RFPL4A: variants seen among roughly 807,000 people sequenced by gnomAD.
The protein encoded by RFPL4A is ret finger protein like 4A, also known as ret finger protein-like 4A.
Under a neutral mutation model 8.3 loss-of-function variants are expected in RFPL4A, and 4 were observed. That is an observed-to-expected ratio of 0.48 (90% CI 0.24 to 1.10). The LOEUF is 1.10. Ranked by LOEUF, RFPL4A falls within the 50% of genes least tolerant of loss-of-function variation. The pLI, the probability that RFPL4A is intolerant of heterozygous loss-of-function variation, is 0.18. For missense variants in RFPL4A, 111 were observed against 358.7 expected (o/e 0.31, Z 5.58); for synonymous variants, 43 against 136.6 (o/e 0.31, Z 4.78).
At chr19:55,758,066 C>T (rs1187015706), upstream of RFPL4A, among the ~76,000 whole-genome samples, 498 of 150,912 alleles carry the variant, frequency 3.3e-3, no homozygotes, top group African/African-American at 0.012. Flanking sequence ...CATTTTCTCC[C>T]TGCATGCATA....
chr19:55,760,440 G>A (rs920563475), intron 1 of RFPL4A, among the ~76,000 whole-genome samples: 2 of 151,564 alleles, frequency 1.3e-5, no homozygotes, highest in Non-Finnish European at 1.5e-5. Flanking sequence ...AAGTGTGGGC[G>A]TGATTCTGAA....
chr19:55,761,085 C>CTTT (rs569591290), intron 1 of RFPL4A, among the ~76,000 whole-genome samples: 8 of 94,590 alleles, frequency 8.5e-5, no homozygotes, highest in African/African-American at 1.0e-4. Flanking sequence ...CTGGTTTTTC[C>CTTT]TTTTTTTTTT....
chr19:55,757,390 AG>A (rs1989191863), upstream of RFPL4A, among the ~76,000 whole-genome samples: 1 of 151,944 alleles, frequency 6.6e-6, no homozygotes, highest in South Asian at 2.1e-4. Flanking sequence ...AAAAAAGAAA[AG>A]TTTGCTTGTA....
At chr19:55,760,162 G>A (rs1333435640) in intron 1 of RFPL4A, among the ~76,000 whole-genome samples, 1 of 151,626 alleles carries the variant, frequency 6.6e-6, no homozygotes, top group Non-Finnish European at 1.5e-5. Flanking sequence ...CCCACCAACC[G>A]TGCACAAGGG....
chr19:55,757,816 C>T (rs975934014), upstream of RFPL4A, among the ~76,000 whole-genome samples: 13 of 151,634 alleles, frequency 8.6e-5, no homozygotes, highest in African/African-American at 2.9e-4. Context: ...GGCAAATCAA[C>T]CCACTGGGCT....
intron 1 of RFPL4A, among the ~76,000 whole-genome samples, chr19:55,761,230 G>A (rs1250074550): frequency 7.2e-6 from 1 of 138,940 alleles, no homozygotes; most frequent in East Asian, 2.0e-4. Context: ...GTCTTCAAAT[G>A]GACTCCAGCA....
intron 1 of RFPL4A, among the ~76,000 whole-genome samples, 178 bp from the exon 2 acceptor site, chr19:55,761,614 G>T (rs1397418713): frequency 6.7e-6 from 1 of 148,542 alleles, no homozygotes; most frequent in African/African-American, 2.6e-5. Context: ...GATATTAGAA[G>T]TTCAGGGCCT....
chr19:55,759,635 C>T (rs201391856), intron 1 of RFPL4A, among the ~76,000 whole-genome samples: 2,344 of 149,252 alleles, frequency 0.016, 35 homozygotes, highest in East Asian at 0.094. Flanking sequence ...ATTACTATTG[C>T]GGAAAAGATC....
At chr19:55,759,862 A>G (rs1195335992) in intron 1 of RFPL4A, among the ~76,000 whole-genome samples, 1 of 151,552 alleles carries the variant, frequency 6.6e-6, no homozygotes, top group African/African-American at 2.4e-5. Context: ...CTCGGCCTTC[A>G]TCCACATTGG....
Position 55,761,649 on chromosome 19 carries a change from G to T in RFPL4A, c.-9-143G>T, listed in dbSNP as rs535526023. 5 of 1,259,872 alleles carry T rather than the reference G, an allele frequency of 4.0e-6. No homozygotes were observed. The South Asian group carries it at 7.6e-5, about 19-fold the overall frequency. The allele number at this position is 1,259,872 out of a possible 1,614,324, so 78.0% of individuals were successfully genotyped here. A position where few individuals can be genotyped will look rare whatever the true frequency, so the allele number is the denominator to read the frequency against. ...TCGAGTCATTGACATTTGTATTCATGTTGTGTCTTCGTCACTAGCAGTAGT... is the reference window on the plus strand; with the variant it reads ...TCGAGTCATTGACATTTGTATTCATTTTGTGTCTTCGTCACTAGCAGTAGT... On this transcript the variant is annotated intron_variant, in intron 1 of 2. Transcript: ENST00000434937.
Position 55,759,189 on chromosome 19 carries a change from T to C in RFPL4A, c.-10+14T>C, listed in dbSNP as rs199838993. 0.061 allele frequency: 5,675 copies of C among 92,478 alleles called. 10 individuals are homozygous for C. The highest frequency in any genetic ancestry group is 0.21 in the East Asian group (675 of 3,202). 5.7% of individuals were successfully genotyped at this position (92,478 alleles called of 1,614,324 possible). On this transcript the variant is annotated intron_variant, in intron 1 of 2. Transcript: ENST00000434937. Reference sequence around the variant, plus strand: ...CCAGAAGGAGAGGTGAGTTCAATCTTATGGAATTCATTTTTACAAAAGGCG... The same window carrying C: ...CCAGAAGGAGAGGTGAGTTCAATCTCATGGAATTCATTTTTACAAAAGGCG...
chr19:55,761,472 A>G (rs60184828), intron 1 of RFPL4A, among the ~76,000 whole-genome samples: 19,142 of 93,640 alleles, frequency 0.2, 3,104 homozygotes, highest in African/African-American at 0.37. Context: ...ATTCAGATAC[A>G]CCCCATTTCA....
At chr19:55,757,511 G>T (rs1419803229), upstream of RFPL4A, among the ~76,000 whole-genome samples, 4 of 152,260 alleles carry the variant, frequency 2.6e-5, no homozygotes, top group Admixed American at 2.6e-4. Flanking sequence ...CGCTGACTGG[G>T]ATGTTGAAGG....
At chr19:55,759,935 C>T (rs1022275905) in intron 1 of RFPL4A, among the ~76,000 whole-genome samples, 1 of 151,686 alleles carries the variant, frequency 6.6e-6, no homozygotes, top group Non-Finnish European at 1.5e-5. Flanking sequence ...CCACCATTTC[C>T]TCATCCATGT....
chr19:55,759,865 C>A (rs1989247006), intron 1 of RFPL4A, among the ~76,000 whole-genome samples: 1 of 151,598 alleles, frequency 6.6e-6, no homozygotes, highest in Non-Finnish European at 1.5e-5. Context: ...GGCCTTCATC[C>A]ACATTGGTGC....
intron 2 of RFPL4A, among the ~76,000 whole-genome samples, chr19:55,762,353 A>C (rs1354124882): frequency 6.6e-6 from 1 of 150,788 alleles, no homozygotes; most frequent in Non-Finnish European, 1.5e-5. Flanking sequence ...TTATCCACTA[A>C]CTTATTTCGA....
chr19:55,759,918 G>A (rs548570565), intron 1 of RFPL4A, among the ~76,000 whole-genome samples: 17 of 151,788 alleles, frequency 1.1e-4, no homozygotes, highest in Admixed American at 5.2e-4. Context: ...ATAATCCAAT[G>A]TATATACCAC....
rs551653883 is a variant in RFPL4A at position 55,762,234 on chromosome 19, G to C, written c.286+148G>C. On this transcript the variant is annotated intron_variant, in intron 2 of 2. Coordinates refer to ENST00000434937, the MANE Select transcript of RFPL4A (RefSeq NM_001145014.2). ...AAACAACAGCAGTTCTCACCTTTGC[G>C]TAGAGATTTTCATGGAATCTGTGCA... The C allele has an allele frequency of 2.1e-5, 15 of 722,730 alleles. 2 individuals carry two copies. Among genetic ancestry groups the C allele is most frequent in the African/African-American group, 3.7e-5 (2 of 53,944 alleles). The allele number at this position is 722,730 out of a possible 1,614,324, so 44.8% of individuals were successfully genotyped here. A position where few individuals can be genotyped will look rare whatever the true frequency, so the allele number is the denominator to read the frequency against.
intron 1 of RFPL4A, among the ~76,000 whole-genome samples, chr19:55,759,440 G>A (rs538287226): frequency 1.3e-5 from 2 of 151,852 alleles, no homozygotes; most frequent in East Asian, 1.9e-4. Context: ...ACAGAGGTTC[G>A]GTGGCTGCGT....
Sources: allele counts gnomAD v4.1 joint callset (sites outside exome capture counted in the v4.1 genomes callset), GRCh38; gene constraint gnomAD v4.1.1; transcripts MANE v1.5; gene names NCBI Gene and HGNC (gene_info 2026-07-23, HGNC 2026-07-21).